Variants in CIMIP6 observed in about 807,000 individuals in gnomAD.
CIMIP6 encodes ciliary microtubule inner protein 6, also known as uncharacterized protein C2orf73.
chr2:54,363,004 C>T, the CIMIP6 span, among the ~76,000 whole-genome samples: 1 of 152,048 alleles, frequency 6.6e-6, no homozygotes, highest in African/African-American at 2.4e-5. Flanking sequence ...ATTTAATATC[C>T]AATCTATACA....
chr2:54,340,877 ATCAC>A, the CIMIP6 span, among the ~76,000 whole-genome samples: 1 of 152,134 alleles, frequency 6.6e-6, no homozygotes, highest in Admixed American at 6.6e-5. Context: ...AGGTGGGAGG[ATCAC>A]CTGAGTCCAG....
chr2:54,334,021 G>C, the CIMIP6 span, among the ~76,000 whole-genome samples: 4 of 152,184 alleles, frequency 2.6e-5, no homozygotes, highest in African/African-American at 9.7e-5. Flanking sequence ...TGTGAATTTG[G>C]AGTTTCATTG....
the CIMIP6 span, among the ~76,000 whole-genome samples, chr2:54,366,364 A>T: frequency 8.5e-5 from 13 of 152,208 alleles, no homozygotes; most frequent in Non-Finnish European, 1.8e-4. Flanking sequence ...ACACACCTGG[A>T]TGGCCTAATC....
At chr2:54,371,457 G>A in the CIMIP6 span, among the ~76,000 whole-genome samples, 6 of 152,162 alleles carry the variant, frequency 3.9e-5, no homozygotes, top group East Asian at 5.8e-4. Flanking sequence ...GTTCTGGTGC[G>A]GTCCCAAGGG....
the CIMIP6 span, among the ~76,000 whole-genome samples, chr2:54,371,819 G>T: frequency 6.6e-6 from 1 of 152,322 alleles, no homozygotes; most frequent in Non-Finnish European, 1.5e-5. Context: ...GCAGCTGTGG[G>T]AAGAACTGAG....
chr2:54,379,712 C>A, the CIMIP6 span, among the ~76,000 whole-genome samples: 1 of 151,914 alleles, frequency 6.6e-6, no homozygotes, highest in Non-Finnish European at 1.5e-5. Flanking sequence ...CATGGTGACT[C>A]ATGCCTATAA....
At chr2:54,379,525 T>A in the CIMIP6 span, among the ~76,000 whole-genome samples, 1 of 152,240 alleles carries the variant, frequency 6.6e-6, no homozygotes, top group East Asian at 1.9e-4. Flanking sequence ...TAGTCTAAGT[T>A]TCGAGAATCC....
the CIMIP6 span, among the ~76,000 whole-genome samples, chr2:54,380,606 C>T: frequency 3.9e-5 from 6 of 152,220 alleles, no homozygotes; most frequent in Admixed American, 1.3e-4. Context: ...AATTCCTTAT[C>T]TACCTGTCGA....
the CIMIP6 span, among the ~76,000 whole-genome samples, chr2:54,337,868 A>C: frequency 6.6e-6 from 1 of 152,292 alleles, no homozygotes; most frequent in East Asian, 1.9e-4. Flanking sequence ...CTGAAGATAC[A>C]TCACTGAGTT....
the CIMIP6 span, chr2:54,360,630 C>T: frequency 7.2e-7 from 1 of 1,382,938 alleles, no homozygotes; most frequent in Non-Finnish European, 9.5e-7. Flanking sequence ...CATCTTGGCC[C>T]TCACATTTAC....
At chr2:54,370,590 A>G in the CIMIP6 span, among the ~76,000 whole-genome samples, 1 of 152,224 alleles carries the variant, frequency 6.6e-6, no homozygotes, top group Non-Finnish European at 1.5e-5. Flanking sequence ...CACAAATCTG[A>G]GTAGTTCTGC....
At chr2:54,368,753 C>T in the CIMIP6 span, among the ~76,000 whole-genome samples, 2 of 152,146 alleles carry the variant, frequency 1.3e-5, no homozygotes, top group African/African-American at 4.8e-5. Context: ...CACCAAGGCT[C>T]AGGTAGTTTC....
chr2:54,335,123 A>G, the CIMIP6 span: 3 of 883,458 alleles, frequency 3.4e-6, no homozygotes, highest in Non-Finnish European at 5.1e-6. Context: ...GACACATCTC[A>G]GAGTAGTACT....
the CIMIP6 span, among the ~76,000 whole-genome samples, chr2:54,342,594 C>T: frequency 2.0e-5 from 3 of 151,370 alleles, no homozygotes; most frequent in Non-Finnish European, 4.4e-5. Flanking sequence ...AGAGCTGACT[C>T]CCTATGCAGC....
At chr2:54,359,083 G>C in the CIMIP6 span, 1 of 1,376,478 alleles carries the variant, frequency 7.3e-7, no homozygotes, top group Non-Finnish European at 1.0e-6. Context: ...AGGTGAGGCA[G>C]TATTTAGAAT....
chr2:54,330,926 G>A, the CIMIP6 span: 7 of 1,590,440 alleles, frequency 4.4e-6, no homozygotes, highest in East Asian at 4.5e-5. Context: ...GCAGGGCTGC[G>A]TCCCTGTTCT....
chr2:54,358,996 A>C, the CIMIP6 span: 15 of 1,553,346 alleles, frequency 9.7e-6, no homozygotes, highest in African/African-American at 1.9e-4. Flanking sequence ...CAGAACTTCA[A>C]AACAATTTTA....
the CIMIP6 span, among the ~76,000 whole-genome samples, chr2:54,376,711 C>T: frequency 6.6e-6 from 1 of 152,174 alleles, no homozygotes. Flanking sequence ...AGAAAGCCTG[C>T]CAGACACCAC....
the CIMIP6 span, chr2:54,359,053 G>C: frequency 2.6e-6 from 4 of 1,528,466 alleles, no homozygotes; most frequent in Non-Finnish European, 3.5e-6. Flanking sequence ...GAAAAACTCC[G>C]AATGAGCCTC....
Sources: gnomAD v4.1 joint callset for allele counts (sites outside exome capture counted in the v4.1 genomes callset) on GRCh38, gnomAD v4.1.1 for gene constraint, MANE v1.5 for transcripts, NCBI Gene and HGNC (gene_info 2026-07-23, HGNC 2026-07-21) for gene names.